TSNARE1: variants seen among roughly 807,000 people sequenced by gnomAD.
The protein encoded by TSNARE1 is t-SNARE domain containing 1.
Under a neutral mutation model 62.0 loss-of-function variants are expected in TSNARE1, and 49 were observed. The observed-to-expected ratio is 0.79, with a 90% CI of 0.63 to 1.00. TSNARE1 has a LOEUF of 1.00. Ranked by LOEUF, TSNARE1 falls within the 50% of genes least tolerant of loss-of-function variation. The pLI is 0.00. For missense variants in TSNARE1, 755 were observed against 700.1 expected, an observed-to-expected ratio of 1.08 and a Z score of -0.88; for synonymous variants, 328 against 294.4, an observed-to-expected ratio of 1.11 and a Z score of -1.17.
chr8:142,227,411 G>T (rs10093586), intron 13 of TSNARE1, among the ~76,000 whole-genome samples: 3 of 48,334 alleles, frequency 6.2e-5, no homozygotes, highest in Non-Finnish European at 2.0e-4. Context: ...ACAGCCAGGA[G>T]CCCCAACCTG....
chr8:142,237,497 G>C (rs1486466338), intron 12 of TSNARE1, among the ~76,000 whole-genome samples: 1 of 152,318 alleles, frequency 6.6e-6, no homozygotes, highest in East Asian at 1.9e-4. Context: ...CACAGGCCCT[G>C]GCTCTCTCCA....
intron 13 of TSNARE1, among the ~76,000 whole-genome samples, chr8:142,226,474 C>T (rs531251558): frequency 3.3e-5 from 5 of 152,272 alleles, no homozygotes; most frequent in African/African-American, 9.6e-5. Context: ...CTTGTTCTTC[C>T]GTGGATCCTC....
chr8:142,242,947 C>CAAAAAAAAAAAAAAAAAAAAA (rs35092120), intron 12 of TSNARE1, among the ~76,000 whole-genome samples: 1 of 51,390 alleles, frequency 1.9e-5, no homozygotes, highest in Non-Finnish European at 3.5e-5. Context: ...AACTCTGTCT[C>CAAAAAAAAAAAAAAAAAAAAA]AAAAAAAAAA....
At chr8:142,277,333 C>A in intron 11 of TSNARE1, 1 of 985,402 alleles carries the variant, frequency 1.0e-6, no homozygotes, top group African/African-American at 1.7e-5. Flanking sequence ...GAGCAGCACA[C>A]ACACCTCAAA....
intron 12 of TSNARE1, among the ~76,000 whole-genome samples, chr8:142,271,865 G>A (rs1819602279): frequency 6.6e-6 from 1 of 152,024 alleles, no homozygotes; most frequent in Non-Finnish European, 1.5e-5. Context: ...TGAGGAAACA[G>A]ACCCAGAGAG....
chr8:142,313,331 T>C (rs1393206400), intron 9 of TSNARE1, among the ~76,000 whole-genome samples: 1 of 152,176 alleles, frequency 6.6e-6, no homozygotes, highest in Non-Finnish European at 1.5e-5. Context: ...TGTGTCTCTG[T>C]GTGTTTATCT....
Position 142,350,395 on chromosome 8 carries a change from A to G in TSNARE1, c.88+4242T>C, listed in dbSNP as rs376834590. ...TTCCAGAAAAATGCAACTTAACAAA[A>G]CTGACCCAAGAAGAAACAGAAAGCC... On this transcript the variant is annotated intron_variant, in intron 2 of 13. Transcript: ENST00000524325. Among the ~76,000 whole-genome samples the G allele has an allele frequency of 2.7e-4, 41 of 152,378 alleles. No homozygotes were observed. The South Asian group carries it at 8.3e-3, about 31-fold the overall frequency.
At chr8:142,275,657 CG>C (rs1407375848) in intron 11 of TSNARE1, 4 of 985,350 alleles carry the variant, frequency 4.1e-6, no homozygotes, top group Middle Eastern at 1.0e-3. Context: ...GCCTTCTTCC[CG>C]GAGGGAGGTT....
At position 142,284,027 on chromosome 8, in the gene TSNARE1, C is replaced by CT. The variant is rs1455876591; in HGVS notation, c.1363+385dup. ...CGATGAGCAGGGTGAAGGCTAGTGT[C>CT]TATCAATGAGCGGGTACCAGTGTCT... is the stretch of plus-strand genomic sequence containing the variant. On this transcript the variant is annotated intron_variant, in intron 11 of 13. Transcript: ENST00000524325. Among the ~76,000 whole-genome samples the CT allele has an allele frequency of 3.0e-5, 4 of 132,254 alleles. 1 individual carries two copies. The highest frequency in any genetic ancestry group is 6.6e-5 in the Non-Finnish European group (4 of 60,412). 86.8% of individuals were successfully genotyped at this position (132,254 alleles called of 152,430 possible).
intron 13 of TSNARE1, among the ~76,000 whole-genome samples, chr8:142,215,150 G>A (rs569183385): frequency 3.8e-4 from 58 of 152,332 alleles, no homozygotes; most frequent in Non-Finnish European, 5.9e-4. Flanking sequence ...CCATGAATGC[G>A]TATTGATCGA....
chr8:142,371,410 G>A (rs949710854), intron 1 of TSNARE1, among the ~76,000 whole-genome samples: 3 of 152,208 alleles, frequency 2.0e-5, no homozygotes, highest in South Asian at 4.1e-4. Flanking sequence ...CATCCTGGGC[G>A]GTGAAAATGT....
chr8:142,283,320 C>CCAATGAGCAGAGGCGGGGCCAGTGTCTGT (rs1822024043), intron 11 of TSNARE1, among the ~76,000 whole-genome samples: 5 of 49,582 alleles, frequency 1.0e-4, no homozygotes, highest in South Asian at 6.4e-4. Flanking sequence ...CCAGTGTCTG[C>CCAATGAGCAGAGGCGGGGCCAGTGTCTGT]CAATGAGCAG....
At chr8:142,317,143 CAT>C (rs1828656157) in intron 7 of TSNARE1, among the ~76,000 whole-genome samples, 1 of 150,950 alleles carries the variant, frequency 6.6e-6, no homozygotes, top group Non-Finnish European at 1.5e-5. Context: ...ACACTGTACG[CAT>C]GAAGCGGGTA....
intron 9 of TSNARE1, among the ~76,000 whole-genome samples, chr8:142,303,450 G>A (rs1269441033): frequency 6.6e-6 from 1 of 152,206 alleles, no homozygotes; most frequent in Non-Finnish European, 1.5e-5. Flanking sequence ...GGTGGGGAGA[G>A]GACTGCGCCT....
chr8:142,283,743 T>C (rs1822167444), intron 11 of TSNARE1, among the ~76,000 whole-genome samples: 1 of 140,406 alleles, frequency 7.1e-6, no homozygotes, highest in Non-Finnish European at 1.5e-5. Context: ...GGGGTTAGTG[T>C]CTGTCAACGA....
At chr8:142,274,897 T>C in intron 11 of TSNARE1, 34 bp from the exon 12 acceptor site, 1 of 1,492,278 alleles carries the variant, frequency 6.7e-7, no homozygotes, top group Non-Finnish European at 9.0e-7. Flanking sequence ...CAATTACAGA[T>C]GGAGGCCCAG....
chr8:142,295,755 C>A (rs1358346447), intron 10 of TSNARE1, among the ~76,000 whole-genome samples: 1 of 152,010 alleles, frequency 6.6e-6, no homozygotes, highest in Non-Finnish European at 1.5e-5. Context: ...TCCAGCTGGG[C>A]CGTCCATTGC....
chr8:142,380,718 AC>A (rs1159206148), intron 1 of TSNARE1, among the ~76,000 whole-genome samples: 1 of 152,174 alleles, frequency 6.6e-6, no homozygotes, highest in African/African-American at 2.4e-5. Flanking sequence ...AATACCCGTA[AC>A]GGAAAAAAGA....
At position 142,355,543 on chromosome 8, in the gene TSNARE1, G is replaced by A. The variant is rs564448180; in HGVS notation, c.-39-780C>T. ...TCTCCTCCCGTGGGCTGCAGCTCCAGGGACTCAGAGCAAATGACCAGAGGA... is the reference window on the plus strand; with the variant it reads ...TCTCCTCCCGTGGGCTGCAGCTCCAAGGACTCAGAGCAAATGACCAGAGGA... On this transcript the variant is annotated intron_variant, in intron 1 of 13. Coordinates refer to ENST00000524325, the MANE Select transcript of TSNARE1 (RefSeq NM_145003.5). 5.3e-5 allele frequency among the ~76,000 whole-genome samples: 8 copies of A among 152,308 alleles called. No individual in the cohort carries two copies. The South Asian group carries it at 1.4e-3, about 28-fold the overall frequency.
Sources: gnomAD v4.1 joint callset for allele counts (sites outside exome capture counted in the v4.1 genomes callset) on GRCh38, gnomAD v4.1.1 for gene constraint, MANE v1.5 for transcripts, NCBI Gene and HGNC (gene_info 2026-07-23, HGNC 2026-07-21) for gene names.